The following ABI3BP variants were observed in gnomAD, a reference collection of about 807,000 sequenced individuals.
ABI3BP encodes the protein ABI family member 3 binding protein, also known as target of Nesh-SH3.
Under a neutral mutation model 268.6 loss-of-function variants are expected in ABI3BP, and 216 were observed. The observed-to-expected ratio is 0.80, with a 90% CI of 0.72 to 0.90. The LOEUF (loss-of-function observed/expected upper bound fraction) is 0.90, where lower values mean the gene tolerates loss of function less well. ABI3BP is among the 40% of genes least tolerant of loss of function. The pLI is 0.00. For synonymous variants in ABI3BP, 730 were observed against 730.0 expected, an observed-to-expected ratio of 1.00 and a Z score of 0.00; for missense variants, 2,090 against 2,182.4, an observed-to-expected ratio of 0.96 and a Z score of 0.84.
rs559297681 is a variant in ABI3BP at position 100,830,110 on chromosome 3, C to CATATATATAT, written c.2459-456_2459-447dup. Among the ~76,000 whole-genome samples, 59 of 44,678 alleles carry CATATATATAT rather than the reference C, an allele frequency of 1.3e-3. 2 individuals carry two copies. Among genetic ancestry groups the CATATATATAT allele is most frequent in the Non-Finnish European group, 1.9e-3 (45 of 23,230 alleles). The allele number at this position is 44,678 out of a possible 152,430, so 29.3% of individuals were successfully genotyped here. A position where few individuals can be genotyped will look rare whatever the true frequency, so the allele number is the denominator to read the frequency against. Reference sequence around the variant, plus strand: ...ATACATATACATACATACATACATACATATATATATATATATATATATATA... The same window carrying CATATATATAT: ...ATACATATACATACATACATACATACATATATATATATATATATATATATATATATATATA... On this transcript the variant is annotated intron_variant, in intron 32 of 67. Coordinates refer to ENST00000471714, the MANE Select transcript of ABI3BP (RefSeq NM_001375547.2).
chr3:100,961,234 C>T (rs2078994045), intron 1 of ABI3BP, among the ~76,000 whole-genome samples: 1 of 152,230 alleles, frequency 6.6e-6, no homozygotes, highest in African/African-American at 2.4e-5. Flanking sequence ...TGCTCACTAT[C>T]ACGCTTGAAT....
In ABI3BP at chr3:100,918,683, T is replaced by C. The variant is rs189603304; in HGVS notation, c.259+7619A>G. On this transcript the variant is annotated intron_variant, in intron 2 of 67. Coordinates refer to ENST00000471714, the MANE Select transcript of ABI3BP (RefSeq NM_001375547.2). ...TGGTGGAGGAAGGGGAGAACAAGTTTTGAGGATGAAATGAGTGCCTTACAT... is the reference window on the plus strand; with the variant it reads ...TGGTGGAGGAAGGGGAGAACAAGTTCTGAGGATGAAATGAGTGCCTTACAT... 2.5e-3 allele frequency among the ~76,000 whole-genome samples: 385 copies of C among 152,022 alleles called. 1 individual carries two copies. The highest frequency in any genetic ancestry group is 8.8e-3 in the African/African-American group (365 of 41,478).
At chr3:100,812,441 G>T in intron 46 of ABI3BP, 26 bp downstream of exon 46, 1 of 1,292,166 alleles carries the variant, frequency 7.7e-7, no homozygotes, top group South Asian at 2.6e-5. Context: ...ACATATGCTT[G>T]ACTTCCCATT....
intron 20 of ABI3BP, among the ~76,000 whole-genome samples, chr3:100,846,130 C>T (rs941785989): frequency 4.6e-5 from 7 of 152,132 alleles, no homozygotes; most frequent in African/African-American, 1.4e-4. Flanking sequence ...AGGGAGTTCG[C>T]AATCATTCAT....
intron 2 of ABI3BP, chr3:100,911,666 T>C: frequency 1.4e-6 from 1 of 738,092 alleles, no homozygotes; most frequent in Non-Finnish European, 2.5e-6. Context: ...TATAACCTAG[T>C]TGTTCAGAAA....
At chr3:100,915,427 G>A (rs1054723594) in intron 2 of ABI3BP, among the ~76,000 whole-genome samples, 3 of 152,248 alleles carry the variant, frequency 2.0e-5, no homozygotes, top group Middle Eastern at 3.4e-3. Context: ...CGCCATGCCC[G>A]GCCAGATGTC....
intron 2 of ABI3BP, 141 bp downstream of exon 2, chr3:100,926,161 T>C (rs1209052839): frequency 3.6e-6 from 3 of 836,580 alleles, no homozygotes; most frequent in Non-Finnish European, 5.4e-6. Context: ...ACAACAATTA[T>C]GAAGATGTCT....
intron 2 of ABI3BP, among the ~76,000 whole-genome samples, chr3:100,912,876 C>T (rs1293620861): frequency 6.6e-6 from 1 of 152,194 alleles, no homozygotes; most frequent in Non-Finnish European, 1.5e-5. Flanking sequence ...ATAAACAGCT[C>T]ACCAGCGCCC....
In ABI3BP at chr3:100,982,381, C is replaced by T. The variant is rs148064956; in HGVS notation, c.79+10925G>A. ...TTACTATCAAAAAAATCCATTAATG[C>T]CACCCGAATATTACTTGTTAATGAA... On this transcript the variant is annotated intron_variant, in intron 1 of 67. Coordinates refer to ENST00000471714, the MANE Select transcript of ABI3BP (RefSeq NM_001375547.2). Among the ~76,000 whole-genome samples the T allele has an allele frequency of 4.6e-5, 7 of 152,154 alleles. No individual in the cohort carries two copies. In the East Asian group the frequency reaches 1.4e-3, roughly 29 times the overall value.
chr3:100,861,593 T>G (rs1048168528), intron 14 of ABI3BP, among the ~76,000 whole-genome samples: 1 of 152,042 alleles, frequency 6.6e-6, no homozygotes, highest in Admixed American at 6.6e-5. Context: ...AGTTGACTGC[T>G]AGGCAATCAA....
chr3:100,963,728 C>G (rs532797767), intron 1 of ABI3BP, among the ~76,000 whole-genome samples: 1 of 152,314 alleles, frequency 6.6e-6, no homozygotes, highest in Non-Finnish European at 1.5e-5. Context: ...CACTGGCCAG[C>G]TGTTATTTCC....
chr3:100,752,646 C>T (rs761747356), intron 66 of ABI3BP, 141 bp downstream of exon 66: 23 of 769,200 alleles, frequency 3.0e-5, no homozygotes, highest in Admixed American at 5.2e-5. Context: ...TAACTGTTTC[C>T]GTAACATTTT....
chr3:100,801,192 C>G (rs2097525969), intron 51 of ABI3BP, among the ~76,000 whole-genome samples: 1 of 151,640 alleles, frequency 6.6e-6, no homozygotes. Context: ...TTGTACTTTG[C>G]TAAGAAACAT....
chr3:100,858,278 A>G (rs2098960759), intron 14 of ABI3BP, among the ~76,000 whole-genome samples: 1 of 152,244 alleles, frequency 6.6e-6, no homozygotes, highest in African/African-American at 2.4e-5. Flanking sequence ...CATACTTTAT[A>G]GAAGGTTTAA....
intron 1 of ABI3BP, among the ~76,000 whole-genome samples, chr3:100,957,732 A>G (rs1226337979): frequency 6.6e-6 from 1 of 152,236 alleles, no homozygotes; most frequent in Non-Finnish European, 1.5e-5. Context: ...ATGTTAAGCT[A>G]CTTGCTAAGG....
rs1278270040 is a variant in ABI3BP, at chr3:100,800,644, AT to A, written c.3757+4147del. ...AGGTGTGTGCCACCATGCCCGGCTA[AT>A]TTTTTGTATGTTTTAAGTAGAGACG... On this transcript the variant is annotated intron_variant, in intron 51 of 67. Coordinates refer to ENST00000471714, the MANE Select transcript of ABI3BP (RefSeq NM_001375547.2). Among the ~76,000 whole-genome samples, 8 of 152,036 alleles carry A rather than the reference AT, an allele frequency of 5.3e-5. No individual in the cohort carries two copies. In the South Asian group the frequency reaches 6.2e-4, roughly 12 times the overall value.
chr3:100,902,219 A>G (rs2050753062), intron 3 of ABI3BP, among the ~76,000 whole-genome samples: 1 of 152,202 alleles, frequency 6.6e-6, no homozygotes. Flanking sequence ...TAACATCTGA[A>G]AGGCACAATA....
intron 57 of ABI3BP, among the ~76,000 whole-genome samples, chr3:100,784,948 G>T (rs1577580594): frequency 6.6e-6 from 1 of 152,154 alleles, no homozygotes; most frequent in East Asian, 1.9e-4. Context: ...ACACTACTCA[G>T]GTAATGAGTG....
chr3:100,860,162 G>A (rs1055361176), intron 14 of ABI3BP, among the ~76,000 whole-genome samples: 1 of 152,222 alleles, frequency 6.6e-6, no homozygotes, highest in African/African-American at 2.4e-5. Flanking sequence ...GATCTAGAGT[G>A]GAGCCCAAGT....
Sources: gnomAD v4.1 joint callset for allele counts (sites outside exome capture counted in the v4.1 genomes callset) on GRCh38, gnomAD v4.1.1 for gene constraint, MANE v1.5 for transcripts, NCBI Gene and HGNC (gene_info 2026-07-23, HGNC 2026-07-21) for gene names.